SYNPR: variants seen among roughly 807,000 people sequenced by gnomAD.
The protein encoded by SYNPR is synaptoporin.
In SYNPR, 23 loss-of-function variants were observed where a neutral mutation model predicts 32.9. That is an observed-to-expected ratio of 0.70 (90% CI 0.50 to 0.99). The LOEUF (loss-of-function observed/expected upper bound fraction) is 0.99, where lower values mean the gene tolerates loss of function less well. Among genes scored for constraint, SYNPR ranks in the 50% least tolerant of loss-of-function variants. The pLI is 0.00. For missense variants in SYNPR, 318 were observed against 349.3 expected (o/e 0.91, Z 0.71); for synonymous variants, 146 against 135.9 (o/e 1.07, Z -0.52).
At position 63,609,188 on chromosome 3, in the gene SYNPR, G is replaced by C; in HGVS notation, c.472G>C (p.Gly158Arg). The C allele has an allele frequency of 1.2e-6, 2 of 1,611,324 alleles. No homozygotes were observed. Among genetic ancestry groups the C allele is most frequent in the South Asian group, 1.1e-5 (1 of 90,300 alleles). ...GGTGGGTTCATCAGCTTGGGCAAAAGGACTGTCTGACGTCAAAGTTGCAAC... is the reference window on the plus strand; with the variant it reads ...GGTGGGTTCATCAGCTTGGGCAAAACGACTGTCTGACGTCAAAGTTGCAAC... ...WLVGSSAWAK[G>R]LSDVKVATDP... The change falls in exon 5 of 6, where the codon GGA (glycine) becomes CGA (arginine). Residue 158 changes from glycine (G) to arginine (R), a missense_variant. Physicochemically the swap from Gly to Arg is moderately radical, Grantham distance 125. Coordinates refer to ENST00000478300, the MANE Select transcript of SYNPR (RefSeq NM_001130003.2).
At chr3:63,334,515 A>AGT (rs138498529) in intron 2 of SYNPR, among the ~76,000 whole-genome samples, 2,450 of 149,354 alleles carry the variant, frequency 0.016, 23 homozygotes, top group East Asian at 0.035. Context: ...GTCTCAATGA[A>AGT]GTGTGTGTGT....
At chr3:63,340,322 G>C (rs1198824897) in intron 2 of SYNPR, among the ~76,000 whole-genome samples, 1 of 150,518 alleles carries the variant, frequency 6.6e-6, no homozygotes, top group Non-Finnish European at 1.5e-5. Flanking sequence ...TCAATATTTT[G>C]CTATAAAATG....
intron 2 of SYNPR, among the ~76,000 whole-genome samples, chr3:63,340,207 C>T (rs1421122577): frequency 6.6e-6 from 1 of 152,036 alleles, no homozygotes; most frequent in African/African-American, 2.4e-5. Context: ...GTTAACCATT[C>T]ACTCATTGAA....
At chr3:63,351,876 T>C (rs1213380772) in intron 2 of SYNPR, among the ~76,000 whole-genome samples, 2 of 152,156 alleles carry the variant, frequency 1.3e-5, no homozygotes, top group Non-Finnish European at 2.9e-5. Context: ...GAATGAATGA[T>C]AATTGACTCA....
chr3:63,387,294 T>C (rs973857739), intron 2 of SYNPR, among the ~76,000 whole-genome samples: 8 of 152,232 alleles, frequency 5.3e-5, no homozygotes, highest in African/African-American at 1.9e-4. Context: ...GTAAGTGTTT[T>C]ACCATACAGT....
At chr3:63,482,690 G>T (rs1287284954) in intron 3 of SYNPR, among the ~76,000 whole-genome samples, 3 of 152,268 alleles carry the variant, frequency 2.0e-5, no homozygotes, top group Admixed American at 2.0e-4. Context: ...TTTACAGAAT[G>T]TCTTGTACTT....
At chr3:63,468,773 G>T (rs1430013375) in intron 2 of SYNPR, among the ~76,000 whole-genome samples, 2 of 152,204 alleles carry the variant, frequency 1.3e-5, no homozygotes, top group Middle Eastern at 3.4e-3. Context: ...TGCACTCCAG[G>T]CTGAGTGACA....
At chr3:63,223,674 C>T (rs559120733), upstream of SYNPR, among the ~76,000 whole-genome samples, 2 of 152,330 alleles carry the variant, frequency 1.3e-5, no homozygotes, top group East Asian at 3.9e-4. Context: ...AAGAACCTGA[C>T]TAGCATCGCC....
intron 5 of SYNPR, among the ~76,000 whole-genome samples, chr3:63,611,045 C>T (rs1056130591): frequency 6.6e-6 from 1 of 152,202 alleles, no homozygotes; most frequent in African/African-American, 2.4e-5. Context: ...CTGGCTAAGG[C>T]AAACCAATCC....
At chr3:63,225,185 A>G (rs1348495095), upstream of SYNPR, among the ~76,000 whole-genome samples, 1 of 152,214 alleles carries the variant, frequency 6.6e-6, no homozygotes, top group African/African-American at 2.4e-5. Flanking sequence ...TGACGGAAGC[A>G]GGGACTTAAT....
At chr3:63,254,769 GAC>G (rs1211277649) in intron 2 of SYNPR, among the ~76,000 whole-genome samples, 5 of 152,256 alleles carry the variant, frequency 3.3e-5, no homozygotes, top group South Asian at 2.1e-4. Flanking sequence ...AATGTATTTG[GAC>G]ACAGAGTCTT....
chr3:63,372,098 G>C (rs2087820157), intron 2 of SYNPR, among the ~76,000 whole-genome samples: 1 of 152,010 alleles, frequency 6.6e-6, no homozygotes. Flanking sequence ...CCTGGAAAAG[G>C]GATCTTAGAG....
chr3:63,436,347 A>G (rs1225337666), intron 2 of SYNPR, among the ~76,000 whole-genome samples: 1 of 80,886 alleles, frequency 1.2e-5, no homozygotes, highest in Non-Finnish European at 2.3e-5. Flanking sequence ...CCCACCCCAC[A>G]ACAGGCCCCA....
At chr3:63,576,014 G>T (rs1007381766) in intron 4 of SYNPR, among the ~76,000 whole-genome samples, 1 of 152,230 alleles carries the variant, frequency 6.6e-6, no homozygotes, top group Non-Finnish European at 1.5e-5. Context: ...AGACAATAAA[G>T]TTACTATCTT....
chr3:63,338,744 G>A (rs1238889872), intron 2 of SYNPR, among the ~76,000 whole-genome samples: 2 of 152,208 alleles, frequency 1.3e-5, no homozygotes, highest in Non-Finnish European at 2.9e-5. Flanking sequence ...ATACTCTAGA[G>A]ACAAATACCA....
intron 2 of SYNPR, among the ~76,000 whole-genome samples, chr3:63,332,492 G>A (rs963150694): frequency 1.3e-5 from 2 of 152,046 alleles, no homozygotes; most frequent in African/African-American, 4.8e-5. Context: ...TAGACTTTAG[G>A]TCAGTACTTT....
At chr3:63,465,928 T>C (rs533416125) in intron 2 of SYNPR, among the ~76,000 whole-genome samples, 2 of 152,294 alleles carry the variant, frequency 1.3e-5, no homozygotes, top group Admixed American at 1.3e-4. Flanking sequence ...TATTTTAAGC[T>C]CGGGGGTATG....
intron 3 of SYNPR, among the ~76,000 whole-genome samples, chr3:63,542,024 A>T (rs1014043060): frequency 4.6e-5 from 7 of 152,134 alleles, no homozygotes; most frequent in Non-Finnish European, 2.9e-5. Context: ...TATATGAGCC[A>T]TTGTTTTATC....
chr3:63,523,206 A>C (rs561255850), intron 3 of SYNPR, among the ~76,000 whole-genome samples: 1 of 152,308 alleles, frequency 6.6e-6, no homozygotes, highest in East Asian at 1.9e-4. Context: ...GCTTGAGGGC[A>C]GAGTAACTGG....
Sources: gnomAD v4.1 joint callset for allele counts (sites outside exome capture counted in the v4.1 genomes callset) on GRCh38, gnomAD v4.1.1 for gene constraint, MANE v1.5 for transcripts, NCBI Gene and HGNC (gene_info 2026-07-23, HGNC 2026-07-21) for gene names.